The following UBE3C variants were observed in gnomAD, a reference collection of about 807,000 sequenced individuals.
The protein encoded by UBE3C is ubiquitin protein ligase E3C, also known as ubiquitin-protein ligase E3C.
UBE3C carries 42 observed loss-of-function variants against 129.4 expected under a neutral mutation model. That is an observed-to-expected ratio of 0.32 (90% CI 0.25 to 0.42). The LOEUF (loss-of-function observed/expected upper bound fraction) is 0.42. UBE3C is among the 10% of genes least tolerant of loss of function. UBE3C has a pLI of 1.00. For missense variants in UBE3C, 1,049 were observed against 1,319.1 expected, an observed-to-expected ratio of 0.80 and a Z score of 3.17; for synonymous variants, 510 against 492.4, an observed-to-expected ratio of 1.04 and a Z score of -0.47.
chr7:157,150,582 C>T (rs7804018), intron 1 of UBE3C, among the ~76,000 whole-genome samples: 42,272 of 151,992 alleles, frequency 0.28, 8,404 homozygotes, highest in African/African-American at 0.57. Flanking sequence ...GTTAAATAAC[C>T]GTTAATATAA....
At chr7:157,223,121 A>T in intron 15 of UBE3C, 133 bp from the exon 16 acceptor site, 1 of 863,648 alleles carries the variant, frequency 1.2e-6, no homozygotes, top group Non-Finnish European at 1.9e-6. Context: ...TGAGGCGGGG[A>T]TGTGTTCATG....
At chr7:157,195,809 A>G (rs745948538) in intron 10 of UBE3C, among the ~76,000 whole-genome samples, 3 of 152,182 alleles carry the variant, frequency 2.0e-5, no homozygotes, top group Non-Finnish European at 4.4e-5. Context: ...TTGAGCACCT[A>G]TGAGTGACGT....
chr7:157,154,598 T>C (rs1807851890), intron 1 of UBE3C, among the ~76,000 whole-genome samples: 1 of 152,228 alleles, frequency 6.6e-6, no homozygotes, highest in Non-Finnish European at 1.5e-5. Flanking sequence ...ATAACCACTT[T>C]CCTATCAATG....
Position 157,170,026 on chromosome 7 carries a change from G to A in UBE3C, c.196-278G>A, listed in dbSNP as rs1484283373. Among the ~76,000 whole-genome samples the A allele has an allele frequency of 3.3e-5, 5 of 151,380 alleles. No homozygotes were observed. The South Asian group carries it at 8.4e-4, about 25-fold the overall frequency. ...GTAGAGATGGGGTTTCGCCATGTTGGGCAGGCTGGTCTTGAACTCCTGACC... is the reference window on the plus strand; with the variant it reads ...GTAGAGATGGGGTTTCGCCATGTTGAGCAGGCTGGTCTTGAACTCCTGACC... On this transcript the variant is annotated intron_variant, in intron 3 of 22. Transcript: ENST00000348165.
chr7:157,269,167 A>G lies in UBE3C; in HGVS notation c.*1412A>G, dbSNP rs187545083. Reference sequence around the variant, plus strand: ...AAAATAATTAGGGTTGGTCTTTTTTATTTTAGGTTGTTTTATGTTGAATGT... The same window carrying G: ...AAAATAATTAGGGTTGGTCTTTTTTGTTTTAGGTTGTTTTATGTTGAATGT... On this transcript the variant is annotated 3_prime_UTR_variant, in exon 23 of 23. Transcript: ENST00000348165. 23 of 152,332 alleles carry G rather than the reference A, an allele frequency of 1.5e-4. No homozygotes were observed. The highest frequency in any genetic ancestry group is 1.5e-3 in the Admixed American group (23 of 15,272). The allele number at this position is 152,332 out of a possible 1,614,324, so 9.4% of individuals were successfully genotyped here. A position where few individuals can be genotyped will look rare whatever the true frequency, so the allele number is the denominator to read the frequency against.
chr7:157,195,036 G>A (rs1396068576), intron 10 of UBE3C, among the ~76,000 whole-genome samples: 1 of 152,334 alleles, frequency 6.6e-6, no homozygotes. Context: ...TGTCAGGACA[G>A]CCTTCTCTAG....
chr7:157,174,124 A>C (rs1201789228), intron 4 of UBE3C, among the ~76,000 whole-genome samples: 3 of 152,112 alleles, frequency 2.0e-5, no homozygotes, highest in Non-Finnish European at 4.4e-5. Context: ...GCGCTTTGGG[A>C]GGCTGAGGTT....
chr7:157,149,541 C>T (rs892846274), intron 1 of UBE3C, among the ~76,000 whole-genome samples: 1 of 152,170 alleles, frequency 6.6e-6, no homozygotes, highest in Non-Finnish European at 1.5e-5. Flanking sequence ...GGACCCTGCA[C>T]TGGCACATCC....
chr7:157,252,620 G>A lies in UBE3C; in HGVS notation c.2695-1334G>A, dbSNP rs960117314. ...AGTCTCCTATAACCATCAGCTGTAG[G>A]ATGACTTAAGTCAGGCTCTCTAGCA... On this transcript the variant is annotated intron_variant, in intron 19 of 22. Coordinates refer to ENST00000348165, the MANE Select transcript of UBE3C (RefSeq NM_014671.3). Among the ~76,000 whole-genome samples the A allele has an allele frequency of 1.8e-4, 28 of 152,208 alleles. 2 individuals are homozygous for A. Among genetic ancestry groups the A allele is most frequent in the African/African-American group, 2.4e-5 (1 of 41,458 alleles).
intron 18 of UBE3C, among the ~76,000 whole-genome samples, chr7:157,238,518 C>T (rs955644261): frequency 6.6e-6 from 1 of 152,038 alleles, no homozygotes; most frequent in Non-Finnish European, 1.5e-5. Flanking sequence ...GGTAAGGGAA[C>T]CACCTGGGTT....
At chr7:157,187,489 C>T (rs1808841714) in intron 10 of UBE3C, among the ~76,000 whole-genome samples, 1 of 151,502 alleles carries the variant, frequency 6.6e-6, no homozygotes, top group Non-Finnish European at 1.5e-5. Context: ...TCAAGCGATC[C>T]TTTCACCCCA....
chr7:157,175,123 G>T, intron 5 of UBE3C, 89 bp downstream of exon 5: 27 of 572,566 alleles, frequency 4.7e-5, no homozygotes, highest in Non-Finnish European at 5.4e-5. Flanking sequence ...TTCAGAGACA[G>T]TGGCTTTTCC....
intron 4 of UBE3C, among the ~76,000 whole-genome samples, chr7:157,171,717 T>A (rs1808383391): frequency 1.2e-5 from 1 of 84,078 alleles, no homozygotes; most frequent in Non-Finnish European, 2.2e-5. Flanking sequence ...TTTTTTTTTT[T>A]TTTTTTTGAG....
At chr7:157,263,820 CAAGTAT>C (rs920510152) in intron 22 of UBE3C, among the ~76,000 whole-genome samples, 1 of 148,332 alleles carries the variant, frequency 6.7e-6, no homozygotes, top group African/African-American at 2.5e-5. Context: ...AAATTGTGAT[CAAGTAT>C]AAGAAACCTA....
intron 15 of UBE3C, 113 bp from the exon 16 acceptor site, chr7:157,223,141 T>A (rs949936117): frequency 8.9e-7 from 1 of 1,127,764 alleles, no homozygotes; most frequent in African/African-American, 1.5e-5. Context: ...GGAACTGGAT[T>A]TAGATAAATG....
intron 9 of UBE3C, among the ~76,000 whole-genome samples, chr7:157,186,553 A>G (rs368825853): frequency 6.6e-6 from 1 of 152,156 alleles, no homozygotes; most frequent in African/African-American, 2.4e-5. Context: ...AAAAAAAAAA[A>G]GTAGGAAATG....
intron 1 of UBE3C, among the ~76,000 whole-genome samples, chr7:157,142,097 T>C (rs1273092703): frequency 2.0e-5 from 3 of 152,224 alleles, no homozygotes; most frequent in African/African-American, 4.8e-5. Context: ...TGTAGTTTCT[T>C]TGTGGTTTTA....
At chr7:157,172,118 G>A (rs1440549395) in intron 4 of UBE3C, among the ~76,000 whole-genome samples, 2 of 150,844 alleles carry the variant, frequency 1.3e-5, no homozygotes, top group Non-Finnish European at 2.9e-5. Flanking sequence ...CCGCAACCTC[G>A]CCTCCTGGGT....
chr7:157,205,839 T>C (rs1387029448), intron 11 of UBE3C, among the ~76,000 whole-genome samples: 1 of 152,208 alleles, frequency 6.6e-6, no homozygotes, highest in Non-Finnish European at 1.5e-5. Flanking sequence ...TGGGTTCCTT[T>C]TCTCAAAGCG....
Sources: allele counts gnomAD v4.1 joint callset (sites outside exome capture counted in the v4.1 genomes callset), GRCh38; gene constraint gnomAD v4.1.1; transcripts MANE v1.5; gene names NCBI Gene and HGNC (gene_info 2026-07-23, HGNC 2026-07-21).